Variants in NFKBID observed in about 807,000 individuals in gnomAD.
NFKBID encodes NF-kappa-B inhibitor delta.
Under a neutral mutation model 53.4 loss-of-function variants are expected in NFKBID, and 26 were observed. The ratio of observed to expected loss-of-function variants is 0.49; its 90% CI spans 0.36 to 0.68. The LOEUF (loss-of-function observed/expected upper bound fraction) is 0.68, where lower values mean the gene tolerates loss of function less well. Among genes scored for constraint, NFKBID ranks in the 30% least tolerant of loss-of-function variants. The pLI, the probability that NFKBID is intolerant of heterozygous loss-of-function variation, is 0.00. For synonymous variants in NFKBID, 262 were observed against 259.8 expected (o/e 1.01, Z -0.08); for missense variants, 493 against 614.1 (o/e 0.80, Z 2.08).
intron 3 of NFKBID, 58 bp downstream of exon 3, chr19:35,898,414 C>T (rs761583274): frequency 1.1e-5 from 12 of 1,111,838 alleles, no homozygotes; most frequent in Non-Finnish European, 1.4e-5. Flanking sequence ...CTGAGAGCTG[C>T]GATGTCTGAG....
chr19:35,896,616 C>G lies in NFKBID; in HGVS notation c.685-78G>C. On this transcript the variant is annotated intron_variant, in intron 6 of 11. Transcript: ENST00000641389. This position sits in a 1 kb window ranked among gnomAD's most constrained non-coding sequence, Gnocchi z 5.7. The stretch of plus-strand genomic sequence containing the variant: ...AACCAGGCTCCCAGCCCCATCCCCC[C>G]TCAGCCCCAGGAGCTCACCCCCCAT... The G allele has an allele frequency of 6.4e-7, 1 of 1,557,110 alleles. No homozygotes were observed. The highest frequency in any genetic ancestry group is 8.8e-7 in the Non-Finnish European group (1 of 1,134,798).
At chr19:35,900,374 G>T in intron 1 of NFKBID, 68 bp downstream of exon 1, 2 of 1,143,486 alleles carry the variant, frequency 1.7e-6, no homozygotes, top group Non-Finnish European at 1.1e-6. Flanking sequence ...TCAGGGCCTC[G>T]GGAGTCTTTC....
rs557325771 is a variant in NFKBID at position 35,892,153 on chromosome 19, G to A, written c.1033-1663C>T. On this transcript the variant is annotated intron_variant, in intron 9 of 11. Coordinates refer to ENST00000641389, the Ensembl canonical transcript of NFKBID. ...GCAGCCTTGACCTCCCCAGGTTCAGGTGATCCTCCCACCTCAGCCTCCTGA... is the reference window on the plus strand; with the variant it reads ...GCAGCCTTGACCTCCCCAGGTTCAGATGATCCTCCCACCTCAGCCTCCTGA... Among the ~76,000 whole-genome samples, 83 of 152,020 alleles carry A rather than the reference G, an allele frequency of 5.5e-4. 1 individual carries two copies. The highest frequency in any genetic ancestry group is 2.0e-3 in the African/African-American group (82 of 41,520).
At chr19:35,898,730 C>T (rs930205213) in exon 2 of NFKBID, 2 of 1,535,856 alleles carry the variant, frequency 1.3e-6, no homozygotes, top group African/African-American at 2.7e-5. Flanking sequence ...TGCACCCCGC[C>T]AGCGTCGGGC....
chr19:35,900,151 C>G (rs1975480808), intron 1 of NFKBID, among the ~76,000 whole-genome samples: 1 of 145,574 alleles, frequency 6.9e-6, no homozygotes, highest in Non-Finnish European at 1.5e-5. Flanking sequence ...CAACCCCTAG[C>G]ACCTCCAAGG....
At chr19:35,888,472 T>C (rs559877784) in exon 12 of NFKBID, 16 of 946,854 alleles carry the variant, frequency 1.7e-5, no homozygotes, top group Non-Finnish European at 2.7e-5. Flanking sequence ...CCACATACAT[T>C]ATCATGGGTT....
chr19:35,898,177 C>G (rs999862349), intron 3 of NFKBID, among the ~76,000 whole-genome samples: 1 of 151,996 alleles, frequency 6.6e-6, no homozygotes, highest in Non-Finnish European at 1.5e-5. Context: ...AGCCAGACCC[C>G]GTTTCTACAA....
intron 10 of NFKBID, 51 bp downstream of exon 10, chr19:35,890,323 C>T (rs775814753): frequency 3.1e-6 from 4 of 1,272,226 alleles, no homozygotes; most frequent in South Asian, 2.4e-5. Flanking sequence ...CATCCCACTG[C>T]CCCCCCTACC....
chr19:35,900,635 G>T, exon 1 of NFKBID: 2 of 1,229,046 alleles, frequency 1.6e-6, no homozygotes, highest in Non-Finnish European at 2.0e-6. Flanking sequence ...GAGTCCCCGG[G>T]TCGCGCTCCG....
At chr19:35,900,446 G>A in exon 1 of NFKBID, 1 of 1,231,874 alleles carries the variant, frequency 8.1e-7, no homozygotes, top group Middle Eastern at 3.1e-4. Context: ...CATTACCTCG[G>A]GGATTCCGTG....
chr19:35,894,703 G>T (rs996058020), intron 9 of NFKBID, among the ~76,000 whole-genome samples: 2 of 151,946 alleles, frequency 1.3e-5, no homozygotes, highest in Non-Finnish European at 2.9e-5. Context: ...GTCTCAAAGA[G>T]ATTTTTGAGG....
chr19:35,896,545 G>T lies in NFKBID; in HGVS notation c.685-7C>A. 6.2e-7 allele frequency: 1 copy of T among 1,613,636 alleles called. No homozygotes were observed. Among genetic ancestry groups the T allele is most frequent in the Non-Finnish European group, 8.5e-7 (1 of 1,179,716 alleles). Reference sequence around the variant, plus strand: ...CCGCCACCAGGAGAGGGGTCTGCAGGCCACAGGAGAAGTCAGGTTGGGCTC... The same window carrying T: ...CCGCCACCAGGAGAGGGGTCTGCAGTCCACAGGAGAAGTCAGGTTGGGCTC... On this transcript the variant is annotated splice_polypyrimidine_tract_variant and splice_region_variant and intron_variant, in intron 6 of 11. Coordinates refer to ENST00000641389, the Ensembl canonical transcript of NFKBID. This position sits in a 1 kb window ranked among gnomAD's most constrained non-coding sequence, Gnocchi z 5.7.
At chr19:35,889,906 CCGGGCCGCAGCAGGTGAA>C (rs747779091) in exon 11 of NFKBID, 1 of 1,609,614 alleles carries the variant, frequency 6.2e-7, no homozygotes, top group Non-Finnish European at 8.5e-7. Flanking sequence ...AGGGCCCGGC[CCGGGCCGCAGCAGGTGAA>C]CGGGCTGCTC....
chr19:35,898,906 T>C, intron 1 of NFKBID, 84 bp from the exon 2 acceptor site: 1 of 1,029,774 alleles, frequency 9.7e-7, no homozygotes, highest in Non-Finnish European at 1.4e-6. Context: ...GGAGTGGGTT[T>C]GGGCACCCTC....
chr19:35,897,961 C>A, intron 3 of NFKBID, 105 bp from the exon 4 acceptor site: 2 of 751,298 alleles, frequency 2.7e-6, no homozygotes, highest in South Asian at 3.4e-5. Flanking sequence ...AGAGTTAGTA[C>A]TTCTGGGACA....
At chr19:35,891,120 G>A (rs542543457) in intron 9 of NFKBID, among the ~76,000 whole-genome samples, 7 of 152,200 alleles carry the variant, frequency 4.6e-5, no homozygotes, top group African/African-American at 4.8e-5. Context: ...ATTGCATCCC[G>A]ACCCACACAG....
upstream of NFKBID, chr19:35,902,197 C>A (rs1179929412): frequency 8.5e-6 from 6 of 702,996 alleles, no homozygotes; most frequent in Non-Finnish European, 1.6e-5. Flanking sequence ...CCCTACCTTT[C>A]ATCTCTGCCA....
At chr19:35,900,480 C>A in exon 1 of NFKBID, 1 of 1,231,928 alleles carries the variant, frequency 8.1e-7, no homozygotes, top group Non-Finnish European at 1.0e-6. Flanking sequence ...GCCCCCAGGG[C>A]CGCGGCCTCG....
At chr19:35,890,602 G>A (rs537584690) in intron 9 of NFKBID, 112 bp from the exon 10 acceptor site, 13 of 799,424 alleles carry the variant, frequency 1.6e-5, no homozygotes, top group Admixed American at 5.2e-5. Flanking sequence ...GGTGGTTCAC[G>A]CCTGTAATCC....
Sources: allele counts gnomAD v4.1 joint callset (sites outside exome capture counted in the v4.1 genomes callset), GRCh38; gene constraint gnomAD v4.1.1; non-coding constraint Gnocchi (gnomAD v3.1); transcripts MANE v1.5; gene names NCBI Gene and HGNC (gene_info 2026-07-23, HGNC 2026-07-21).